ADAMTS17: variants seen among roughly 807,000 people sequenced by gnomAD.
The protein encoded by ADAMTS17 is A disintegrin and metalloproteinase with thrombospondin motifs 17.
A neutral mutation model predicts 141.5 loss-of-function variants in ADAMTS17; 113 were observed. The observed-to-expected ratio is 0.80, with a 90% CI of 0.69 to 0.93. ADAMTS17 has a LOEUF of 0.93. Among genes scored for constraint, ADAMTS17 ranks in the 40% least tolerant of loss-of-function variants. ADAMTS17 has a pLI of 0.00. For synonymous variants in ADAMTS17, 768 were observed against 630.6 expected (o/e 1.22, Z -3.27); for missense variants, 1,659 against 1,517.9 (o/e 1.09, Z -1.54).
intron 9 of ADAMTS17, 152 bp downstream of exon 9, chr15:100,155,028 T>C (rs1051647990): frequency 2.8e-6 from 3 of 1,080,682 alleles, no homozygotes; most frequent in African/African-American, 1.6e-5. Context: ...CTTGCCATTA[T>C]AGGACACTCT....
At chr15:100,202,838 A>C (rs756199487) in intron 7 of ADAMTS17, among the ~76,000 whole-genome samples, 1 of 152,190 alleles carries the variant, frequency 6.6e-6, no homozygotes, top group Non-Finnish European at 1.5e-5. Context: ...AAGCTCTGCT[A>C]ATTTCAGTGC....
At chr15:100,036,553 G>C (rs2030734382) in intron 18 of ADAMTS17, among the ~76,000 whole-genome samples, 1 of 152,228 alleles carries the variant, frequency 6.6e-6, no homozygotes, top group African/African-American at 2.4e-5. Context: ...CTTAGCTCGA[G>C]AGCCTGCAAC....
chr15:100,190,298 C>G (rs1005238724), intron 8 of ADAMTS17, among the ~76,000 whole-genome samples: 1 of 152,194 alleles, frequency 6.6e-6, no homozygotes, highest in African/African-American at 2.4e-5. Flanking sequence ...CTCTCCCAGA[C>G]CCCCCAGCCC....
intron 15 of ADAMTS17, among the ~76,000 whole-genome samples, chr15:100,067,563 A>ATTTTTTTT (rs112842557): frequency 6.7e-6 from 1 of 149,936 alleles, no homozygotes; most frequent in Non-Finnish European, 1.5e-5. Flanking sequence ...ATTAGTACAC[A>ATTTTTTTT]TTTTTTTTTT....
chr15:100,168,150 G>A (rs999926507), intron 8 of ADAMTS17, among the ~76,000 whole-genome samples: 1 of 152,200 alleles, frequency 6.6e-6, no homozygotes, highest in African/African-American at 2.4e-5. Context: ...GTGCAGACAG[G>A]GAGGGCTCCG....
rs184081172 is a variant in ADAMTS17 at position 100,195,197 on chromosome 15, C to T, written c.1181+4121G>A. Among the ~76,000 whole-genome samples, 235 of 152,342 alleles carry T rather than the reference C, an allele frequency of 1.5e-3. 1 individual carries two copies. Among genetic ancestry groups the T allele is most frequent in the African/African-American group, 5.5e-3 (229 of 41,584 alleles). ...CGCTGCTCAGCAGCTGACTCTGCCT[C>T]CAGGCAGCAGCAAGGGTGGCCCCTC... On this transcript the variant is annotated intron_variant, in intron 8 of 21. Coordinates refer to ENST00000268070, the MANE Select transcript of ADAMTS17 (RefSeq NM_139057.4).
intron 3 of ADAMTS17, among the ~76,000 whole-genome samples, chr15:100,319,782 A>C (rs1021118927): frequency 2.0e-5 from 3 of 151,952 alleles, no homozygotes; most frequent in African/African-American, 4.8e-5. Flanking sequence ...AAGAAGATCT[A>C]GGTGGGGCGC....
At chr15:100,087,645 C>G (rs888638466) in intron 15 of ADAMTS17, among the ~76,000 whole-genome samples, 2 of 152,216 alleles carry the variant, frequency 1.3e-5, no homozygotes, top group Non-Finnish European at 2.9e-5. Flanking sequence ...GCACCATGAT[C>G]AAGTGGGCTT....
chr15:100,184,056 G>C (rs1189173395), intron 8 of ADAMTS17, among the ~76,000 whole-genome samples: 2 of 152,144 alleles, frequency 1.3e-5, no homozygotes, highest in Non-Finnish European at 2.9e-5. Context: ...TGCTGCTGCT[G>C]GGAGCAGATC....
At chr15:100,062,747 C>G (rs1476295493) in intron 15 of ADAMTS17, among the ~76,000 whole-genome samples, 1 of 152,198 alleles carries the variant, frequency 6.6e-6, no homozygotes, top group Non-Finnish European at 1.5e-5. Context: ...TCAATCAGCA[C>G]TTTGCAACAC....
chr15:100,028,687 C>A (rs1420991493), intron 18 of ADAMTS17, among the ~76,000 whole-genome samples: 1 of 152,216 alleles, frequency 6.6e-6, no homozygotes, highest in Non-Finnish European at 1.5e-5. Context: ...CTGCAGGTCC[C>A]CTGCTGGCAG....
Position 100,264,080 on chromosome 15 carries a change from G to A in ADAMTS17, c.790-1645C>T, listed in dbSNP as rs79932751. 2.0e-3 allele frequency among the ~76,000 whole-genome samples: 299 copies of A among 152,340 alleles called. 1 individual carries two copies. In the East Asian group the frequency reaches 0.03, roughly 15 times the overall value. Reference sequence around the variant, plus strand: ...TAAAAAAAACCTATCTTTGTGTGACGTAATATTCTTTCACACAAGGAAAAA... The same window carrying A: ...TAAAAAAAACCTATCTTTGTGTGACATAATATTCTTTCACACAAGGAAAAA... On this transcript the variant is annotated intron_variant, in intron 4 of 21. Coordinates refer to ENST00000268070, the MANE Select transcript of ADAMTS17 (RefSeq NM_139057.4).
At chr15:100,031,554 C>G (rs139758924) in intron 18 of ADAMTS17, among the ~76,000 whole-genome samples, 5 of 152,286 alleles carry the variant, frequency 3.3e-5, no homozygotes, top group Non-Finnish European at 7.4e-5. Context: ...GGTCCTAAAC[C>G]AGCCTCTGAT....
intron 10 of ADAMTS17, among the ~76,000 whole-genome samples, chr15:100,136,016 G>C (rs1365571174): frequency 1.3e-5 from 2 of 152,154 alleles, no homozygotes; most frequent in East Asian, 1.9e-4. Flanking sequence ...GGAAAACTTT[G>C]GCAGTATTTG....
chr15:100,073,441 C>A (rs1034237379), intron 15 of ADAMTS17, among the ~76,000 whole-genome samples: 1 of 152,064 alleles, frequency 6.6e-6, no homozygotes, highest in Non-Finnish European at 1.5e-5. Flanking sequence ...ATAAATCATG[C>A]TGTTATAAAG....
chr15:100,251,978 A>G (rs1276932474), intron 7 of ADAMTS17, among the ~76,000 whole-genome samples: 5 of 152,150 alleles, frequency 3.3e-5, no homozygotes, highest in Non-Finnish European at 5.9e-5. Flanking sequence ...GAGACAACAC[A>G]TTTCTGTTGT....
At chr15:100,134,044 CAGA>C (rs1448850233) in intron 10 of ADAMTS17, among the ~76,000 whole-genome samples, 2 of 152,234 alleles carry the variant, frequency 1.3e-5, no homozygotes, top group South Asian at 2.1e-4. Context: ...ACAAAGTGCT[CAGA>C]AGGAGACAAT....
intron 8 of ADAMTS17, among the ~76,000 whole-genome samples, chr15:100,196,936 G>C (rs2141620953): frequency 6.6e-6 from 1 of 152,326 alleles, no homozygotes; most frequent in East Asian, 1.9e-4. Flanking sequence ...ATGCTAGCAA[G>C]ATTTATTGGC....
intron 12 of ADAMTS17, among the ~76,000 whole-genome samples, chr15:100,127,075 C>T (rs2037774763): frequency 6.6e-6 from 1 of 152,136 alleles, no homozygotes; most frequent in Non-Finnish European, 1.5e-5. Context: ...GGGAAGACAG[C>T]ACTGGGGAGG....
Sources: allele counts gnomAD v4.1 joint callset (sites outside exome capture counted in the v4.1 genomes callset), GRCh38; gene constraint gnomAD v4.1.1; transcripts MANE v1.5; gene names NCBI Gene and HGNC (gene_info 2026-07-23, HGNC 2026-07-21).